The following PTPRQ variants were observed in gnomAD, a reference collection of about 807,000 sequenced individuals.
PTPRQ encodes the protein phosphatidylinositol phosphatase PTPRQ.
Under a neutral mutation model 246.0 loss-of-function variants are expected in PTPRQ, and 199 were observed. The ratio of observed to expected loss-of-function variants is 0.81; its 90% confidence interval spans 0.72 to 0.91. PTPRQ has a LOEUF of 0.91. Ranked by LOEUF, PTPRQ falls within the 40% of genes least tolerant of loss-of-function variation. PTPRQ has a pLI of 0.00. For synonymous variants in PTPRQ, 869 were observed against 853.2 expected, an observed-to-expected ratio of 1.02 and a Z score of -0.32; for missense variants, 2,624 against 2,528.4, an observed-to-expected ratio of 1.04 and a Z score of -0.81.
chr12:80,534,807 T>A, intron 18 of PTPRQ, 85 bp from the exon 19 acceptor site: 1 of 1,435,318 alleles, frequency 7.0e-7, no homozygotes, highest in Admixed American at 2.9e-5. Flanking sequence ...CACTTTAATT[T>A]ATAAACTGTA....
chr12:80,599,119 C>G (rs1898060531), intron 26 of PTPRQ, among the ~76,000 whole-genome samples: 1 of 151,890 alleles, frequency 6.6e-6, no homozygotes, highest in African/African-American at 2.4e-5. Context: ...CACTCAGCAT[C>G]AAGACACAGA....
intron 9 of PTPRQ, among the ~76,000 whole-genome samples, chr12:80,488,836 A>G (rs527788716): frequency 6.6e-6 from 1 of 152,154 alleles, no homozygotes; most frequent in East Asian, 1.9e-4. Context: ...AAGCTGAAAT[A>G]TGTATAAGAT....
chr12:80,581,042 C>T (rs533673552), intron 25 of PTPRQ, among the ~76,000 whole-genome samples: 2 of 152,260 alleles, frequency 1.3e-5, no homozygotes, highest in East Asian at 3.9e-4. Flanking sequence ...ACCAGCTATC[C>T]TAAAATCTGA....
At chr12:80,658,583 A>G (rs1900523228) in intron 39 of PTPRQ, among the ~76,000 whole-genome samples, 1 of 152,008 alleles carries the variant, frequency 6.6e-6, no homozygotes, top group African/African-American at 2.4e-5. Context: ...CTTGAATTTG[A>G]CCATTCACCT....
chr12:80,534,704 CTATAATAAAG>C lies in PTPRQ; in HGVS notation c.2840-184_2840-175del, dbSNP rs150311915. On this transcript the variant is annotated intron_variant, in intron 18 of 44. Transcript: ENST00000644991. ...CTATCTGTCTTCAGCTTGAATATGC[CTATAATAAAG>C]TATTAGAGGGGTGACCCAATGTGTT... Among the ~76,000 whole-genome samples, 1,261 of 151,966 alleles carry C rather than the reference CTATAATAAAG, an allele frequency of 8.3e-3. 18 individuals carry two copies. The highest frequency in any genetic ancestry group is 0.028 in the African/African-American group (1,161 of 41,502).
chr12:80,652,649 A>T (rs1900293822), intron 37 of PTPRQ, 95 bp from the exon 38 acceptor site: 2 of 1,268,088 alleles, frequency 1.6e-6, no homozygotes, highest in South Asian at 4.0e-5. Flanking sequence ...TTAAAAATTA[A>T]AAAAAAAGTT....
chr12:80,677,877 G>T (rs904387094), intron 43 of PTPRQ, among the ~76,000 whole-genome samples: 1 of 152,050 alleles, frequency 6.6e-6, no homozygotes, highest in Non-Finnish European at 1.5e-5. Context: ...TGCAAATGAG[G>T]GTGATTTGAA....
At position 80,542,738 on chromosome 12, in the gene PTPRQ, G is replaced by T. The variant is rs568538073; in HGVS notation, c.3730G>T (p.Ala1244Ser). ...CATGTGTTTTCCTACAGTGCCGTTA[G>T]CACCTCCACAAAATTTGACTTTAAT... ...FFYTDESVPL[A>S]PPQNLTLINC... Residue 1244 changes from alanine (A) to serine (S), a missense_variant, in exon 23 of 45, where the codon GCA becomes TCA. Ala to Ser is a moderately conservative substitution (Grantham distance 99). Coordinates refer to ENST00000644991, the MANE Select transcript of PTPRQ (RefSeq NM_001145026.2). 3 of 1,543,010 alleles carry T rather than the reference G, an allele frequency of 1.9e-6. No homozygotes were observed. The highest frequency in any genetic ancestry group is 2.5e-5 in the East Asian group (1 of 40,482).
At chr12:80,563,522 G>C (rs1377794594) in intron 25 of PTPRQ, among the ~76,000 whole-genome samples, 1 of 152,198 alleles carries the variant, frequency 6.6e-6, no homozygotes, top group Non-Finnish European at 1.5e-5. Context: ...ATTTTGGGGT[G>C]ATGCAAATAT....
In PTPRQ at chr12:80,666,311, A is replaced by G. The variant is rs139576126; in HGVS notation, c.6193-2696A>G. On this transcript the variant is annotated intron_variant, in intron 39 of 44. Transcript: ENST00000644991. ...AACATTATGATAATTGAAATAATCC[A>G]GGAACAGAAAAATAAATACCACATG... Among the ~76,000 whole-genome samples, 109 of 152,174 alleles carry G rather than the reference A, an allele frequency of 7.2e-4. No homozygotes were observed. The Middle Eastern group carries it at 0.014, about 19-fold the overall frequency.
Position 80,506,121 on chromosome 12 carries a change from AC to A in PTPRQ, c.2371del (p.Gln791LysfsTer18), listed in dbSNP as rs935928481. ...LPPSSPNGII[Q>X]KYTIYLKRSN... ...CCCCAAGTAGTCCCAATGGAATCAT[AC>A]AAAAATATACAATTTATCTCAAGAG... On this transcript the variant is annotated frameshift_variant, in exon 15 of 45. Coordinates refer to ENST00000644991, the MANE Select transcript of PTPRQ (RefSeq NM_001145026.2). LOFTEE classifies it high-confidence loss of function. 5.8e-6 allele frequency: 9 copies of A among 1,542,118 alleles called. No individual in the cohort carries two copies. Among genetic ancestry groups the A allele is most frequent in the South Asian group, 2.5e-5 (2 of 80,852 alleles).
At chr12:80,663,117 T>C (rs2121264385) in intron 39 of PTPRQ, among the ~76,000 whole-genome samples, 1 of 151,916 alleles carries the variant, frequency 6.6e-6, no homozygotes, top group South Asian at 2.1e-4. Context: ...CATATAAAGA[T>C]ATATTTAAAT....
intron 35 of PTPRQ, among the ~76,000 whole-genome samples, chr12:80,642,059 C>T (rs1401667250): frequency 1.3e-5 from 2 of 151,942 alleles, no homozygotes; most frequent in South Asian, 2.1e-4. Context: ...TGACTAGTAC[C>T]CTGCTCAATC....
At chr12:80,605,215 T>C in intron 27 of PTPRQ, 35 bp downstream of exon 27, 5 of 1,529,694 alleles carry the variant, frequency 3.3e-6, no homozygotes, top group Non-Finnish European at 4.4e-6. Context: ...AAAGCCAGTA[T>C]AAAATGGTTA....
intron 22 of PTPRQ, 31 bp from the exon 23 acceptor site, chr12:80,542,699 A>C (rs1027584959): frequency 2.6e-6 from 4 of 1,519,868 alleles, no homozygotes; most frequent in Non-Finnish European, 3.5e-6. Flanking sequence ...AAGTTTTATG[A>C]ATGTAAGTTT....
chr12:80,622,917 A>G (rs1267518272), intron 33 of PTPRQ, among the ~76,000 whole-genome samples: 2 of 152,048 alleles, frequency 1.3e-5, no homozygotes, highest in Non-Finnish European at 2.9e-5. Context: ...AGGTTATAAT[A>G]AAATATTTTA....
chr12:80,532,183 A>G (rs192593033), intron 17 of PTPRQ, among the ~76,000 whole-genome samples: 1 of 152,230 alleles, frequency 6.6e-6, no homozygotes, highest in East Asian at 1.9e-4. Flanking sequence ...CAATTAGATT[A>G]CTTGAGCTAA....
chr12:80,486,058 C>T (rs1173663265), intron 9 of PTPRQ, among the ~76,000 whole-genome samples: 1 of 152,122 alleles, frequency 6.6e-6, no homozygotes, highest in East Asian at 1.9e-4. Context: ...CCATTACTAA[C>T]TGTTTAACCC....
At chr12:80,645,462 C>G (rs760241897) in intron 35 of PTPRQ, among the ~76,000 whole-genome samples, 1 of 151,664 alleles carries the variant, frequency 6.6e-6, no homozygotes, top group Non-Finnish European at 1.5e-5. Context: ...TTCTGTGTAT[C>G]TTAATCTGAA....
Sources: gnomAD v4.1 joint callset for allele counts (sites outside exome capture counted in the v4.1 genomes callset) on GRCh38, gnomAD v4.1.1 for gene constraint, MANE v1.5 for transcripts, NCBI Gene and HGNC (gene_info 2026-07-23, HGNC 2026-07-21) for gene names.